Variants in PTPRT observed in about 807,000 individuals in gnomAD.
PTPRT encodes the protein receptor-type tyrosine-protein phosphatase T.
Under a neutral mutation model 176.8 loss-of-function variants are expected in PTPRT, and 56 were observed. The ratio of observed to expected loss-of-function variants is 0.32; its 90% CI spans 0.26 to 0.40. The LOEUF (loss-of-function observed/expected upper bound fraction) is 0.40. Among genes scored for constraint, PTPRT ranks in the 10% least tolerant of loss-of-function variants. The probability of loss-of-function intolerance (pLI) is 1.00; values close to 1 mark genes in which losing one functional copy is unlikely to be tolerated. For synonymous variants in PTPRT, 783 were observed against 739.0 expected (o/e 1.06, Z -0.96); for missense variants, 1,540 against 1,908.2 (o/e 0.81, Z 3.60).
chr20:42,087,162 G>A (rs749757720), intron 27 of PTPRT, among the ~76,000 whole-genome samples: 17 of 151,706 alleles, frequency 1.1e-4, no homozygotes, highest in Non-Finnish European at 1.8e-4. Context: ...AGCTCCCCCC[G>A]AGAGTTATGT....
intron 15 of PTPRT, among the ~76,000 whole-genome samples, chr20:42,232,517 CT>C (rs1276638936): frequency 1.3e-5 from 2 of 152,118 alleles, no homozygotes; most frequent in African/African-American, 4.8e-5. Flanking sequence ...GGCTTCAAGG[CT>C]CCCCCTCGGG....
At chr20:42,959,436 G>A (rs1448396701) in intron 1 of PTPRT, among the ~76,000 whole-genome samples, 1 of 152,192 alleles carries the variant, frequency 6.6e-6, no homozygotes, top group African/African-American at 2.4e-5. Flanking sequence ...ATAGCTTCCT[G>A]TGCCAGGGAC....
chr20:42,069,095 G>A (rs1390432419), downstream of PTPRT, among the ~76,000 whole-genome samples: 6 of 152,224 alleles, frequency 3.9e-5, no homozygotes, highest in East Asian at 1.2e-3. Flanking sequence ...TCAGAGAGGA[G>A]AGAAAACTTG....
intron 27 of PTPRT, among the ~76,000 whole-genome samples, chr20:42,094,477 C>T (rs940591935): frequency 5.9e-5 from 9 of 152,260 alleles, no homozygotes; most frequent in African/African-American, 1.9e-4. Flanking sequence ...GGCTAGAGTA[C>T]TGTGGTGTGA....
At chr20:42,797,867 A>G (rs1038675723) in intron 2 of PTPRT, among the ~76,000 whole-genome samples, 62 of 152,258 alleles carry the variant, frequency 4.1e-4, no homozygotes, top group African/African-American at 1.5e-3. Context: ...CAAAAACTGC[A>G]GGTGGCCAGA....
chr20:42,052,484 C>T, the PTPRT span, among the ~76,000 whole-genome samples: 4 of 152,208 alleles, frequency 2.6e-5, no homozygotes, highest in Admixed American at 1.3e-4. Flanking sequence ...GGCCCCCCCA[C>T]ACCCCGCATA....
At chr20:42,509,696 A>G (rs909336964) in intron 7 of PTPRT, among the ~76,000 whole-genome samples, 2 of 151,712 alleles carry the variant, frequency 1.3e-5, no homozygotes, top group African/African-American at 4.8e-5. Context: ...CATCCTCTCT[A>G]CTTATATTGT....
intron 6 of PTPRT, among the ~76,000 whole-genome samples, chr20:42,737,156 T>A (rs1177922090): frequency 1.3e-5 from 2 of 152,144 alleles, no homozygotes; most frequent in South Asian, 2.1e-4. Flanking sequence ...CAAGCCAAGA[T>A]GAAGTCCTAC....
At chr20:42,672,048 C>T (rs908678847) in intron 7 of PTPRT, among the ~76,000 whole-genome samples, 1 of 152,174 alleles carries the variant, frequency 6.6e-6, no homozygotes, top group Non-Finnish European at 1.5e-5. Flanking sequence ...TTGTGTTTTT[C>T]GGCTCAGAAA....
chr20:42,967,932 C>T (rs370211179), intron 1 of PTPRT, among the ~76,000 whole-genome samples: 5 of 152,118 alleles, frequency 3.3e-5, no homozygotes, highest in Non-Finnish European at 5.9e-5. Flanking sequence ...AGGATAAAAT[C>T]GAGAATGCGC....
chr20:42,716,156 A>C (rs542071355), intron 6 of PTPRT, among the ~76,000 whole-genome samples: 1 of 152,326 alleles, frequency 6.6e-6, no homozygotes, highest in East Asian at 1.9e-4. Context: ...CACAGCTTGA[A>C]TAGAGATGCT....
At chr20:42,754,256 G>A (rs914728839) in intron 6 of PTPRT, among the ~76,000 whole-genome samples, 1 of 152,122 alleles carries the variant, frequency 6.6e-6, no homozygotes, top group Admixed American at 6.5e-5. Flanking sequence ...CATGATCTCA[G>A]CTCACCACAA....
intron 1 of PTPRT, among the ~76,000 whole-genome samples, chr20:43,125,039 A>G (rs577808939): frequency 6.6e-6 from 1 of 151,988 alleles, no homozygotes; most frequent in South Asian, 2.1e-4. Flanking sequence ...CTTATTGCCC[A>G]GGCTGGAGTG....
intron 11 of PTPRT, among the ~76,000 whole-genome samples, chr20:42,326,456 CTG>C (rs1241978095): frequency 1.3e-5 from 2 of 152,082 alleles, no homozygotes; most frequent in East Asian, 3.8e-4. Flanking sequence ...AACTGAAAGA[CTG>C]TTAAAATTAA....
intron 7 of PTPRT, among the ~76,000 whole-genome samples, chr20:42,620,713 T>G (rs1240556057): frequency 6.6e-6 from 1 of 152,172 alleles, no homozygotes; most frequent in Non-Finnish European, 1.5e-5. Flanking sequence ...TCCAGGTGCG[T>G]CAGTCACCCC....
intron 2 of PTPRT, among the ~76,000 whole-genome samples, chr20:42,858,132 G>A (rs1224695257): frequency 6.6e-6 from 1 of 152,054 alleles, no homozygotes; most frequent in Non-Finnish European, 1.5e-5. Context: ...CTACCTATTA[G>A]ACCCAAAGCT....
intron 12 of PTPRT, among the ~76,000 whole-genome samples, chr20:42,314,126 C>T (rs2057677438): frequency 6.6e-6 from 1 of 152,202 alleles, no homozygotes; most frequent in Admixed American, 6.5e-5. Context: ...CATAACAAGG[C>T]ACATGACAGA....
At chr20:42,483,960 C>T (rs2071427759) in intron 7 of PTPRT, among the ~76,000 whole-genome samples, 1 of 152,194 alleles carries the variant, frequency 6.6e-6, no homozygotes, top group South Asian at 2.1e-4. Flanking sequence ...GTAGCCAGTT[C>T]ATTCTGTCAC....
intron 9 of PTPRT, among the ~76,000 whole-genome samples, chr20:42,387,407 C>A (rs189615997): frequency 6.6e-6 from 1 of 152,150 alleles, no homozygotes; most frequent in Non-Finnish European, 1.5e-5. Flanking sequence ...AGGCTGGCTA[C>A]AGGGTGTGAA....
Sources: allele counts gnomAD v4.1 joint callset (sites outside exome capture counted in the v4.1 genomes callset), GRCh38; gene constraint gnomAD v4.1.1; transcripts MANE v1.5; gene names NCBI Gene and HGNC (gene_info 2026-07-23, HGNC 2026-07-21).